COL24A1: variants seen among roughly 807,000 people sequenced by gnomAD.
COL24A1 encodes collagen type XXIV alpha 1 chain.
A neutral mutation model predicts 253.9 loss-of-function variants in COL24A1; 224 were observed. That is an observed-to-expected ratio of 0.88 (90% confidence interval 0.79 to 0.99). COL24A1 has a LOEUF of 0.99. Among genes scored for constraint, COL24A1 ranks in the 50% least tolerant of loss-of-function variants. The pLI is 0.00. For synonymous variants in COL24A1, 685 were observed against 673.7 expected, an observed-to-expected ratio of 1.02 and a Z score of -0.26; for missense variants, 2,131 against 2,068.5, an observed-to-expected ratio of 1.03 and a Z score of -0.59.
At chr1:85,763,213 T>A (rs1293837834) in intron 53 of COL24A1, among the ~76,000 whole-genome samples, 1 of 151,976 alleles carries the variant, frequency 6.6e-6, no homozygotes, top group African/African-American at 2.4e-5. Flanking sequence ...GCTCAGGAGT[T>A]TGAGACCAGC....
At chr1:86,029,363 A>C (rs1439283546) in intron 14 of COL24A1, among the ~76,000 whole-genome samples, 2 of 152,172 alleles carry the variant, frequency 1.3e-5, no homozygotes, top group Admixed American at 1.3e-4. Context: ...ATGACTTAAC[A>C]ATTGTGGCTA....
rs770051528 is a variant in COL24A1, at chr1:86,115,339, T to C, written c.1531A>G (p.Lys511Glu). The C allele has an allele frequency of 8.1e-6, 13 of 1,613,844 alleles. No individual in the cohort carries two copies. The highest frequency in any genetic ancestry group is 5.5e-5 in the South Asian group (5 of 91,036). ...CATCTACTTACCCGTGGACCTCTCT[T>C]CCCTGACGGACCTGGGATACCTGCT... ...GPAGIPGPSG[K>E]RGPRGIPGPH... The change falls in exon 4 of 60, where the codon AAG (lysine) becomes GAG (glutamate). Residue 511 changes from lysine to glutamate, a missense_variant. Physicochemically the swap from Lys to Glu is moderately conservative, Grantham distance 56 (BLOSUM62 1). Coordinates refer to ENST00000370571, the MANE Select transcript of COL24A1 (RefSeq NM_152890.7).
At chr1:85,842,165 A>G (rs774318754) in intron 40 of COL24A1, 44 bp from the exon 41 acceptor site, 2 of 1,564,492 alleles carry the variant, frequency 1.3e-6, no homozygotes, top group Non-Finnish European at 1.8e-6. Context: ...CTACCTAGAT[A>G]TTAGATATTG....
chr1:86,066,535 C>A (rs890678198), intron 7 of COL24A1, among the ~76,000 whole-genome samples: 2 of 151,832 alleles, frequency 1.3e-5, no homozygotes, highest in East Asian at 3.9e-4. Flanking sequence ...TGAGCCACTG[C>A]GCCCTGCTAA....
In COL24A1 at chr1:85,730,100, T is replaced by A. The variant is rs934300154; in HGVS notation, c.*446A>T. 2 of 153,114 alleles carry A rather than the reference T, an allele frequency of 1.3e-5. No homozygotes were observed. Among genetic ancestry groups the A allele is most frequent in the Admixed American group, 6.5e-5 (1 of 15,330 alleles). The allele number at this position is 153,114 out of a possible 1,614,324, so 9.5% of individuals were successfully genotyped here. A position where few individuals can be genotyped will look rare whatever the true frequency, so the allele number is the denominator to read the frequency against. On this transcript the variant is annotated 3_prime_UTR_variant, in exon 60 of 60. Transcript: ENST00000370571. ...AAGATGTATATGCCCATCGGGGACC[T>A]GAATACAGCTTAGTGTTTTGGAAAA...
chr1:85,741,233 T>C (rs1266667148), intron 57 of COL24A1, among the ~76,000 whole-genome samples: 1 of 152,216 alleles, frequency 6.6e-6, no homozygotes, highest in Non-Finnish European at 1.5e-5. Flanking sequence ...TCTGCTTTCG[T>C]TGTCTGCTGT....
intron 24 of COL24A1, among the ~76,000 whole-genome samples, chr1:85,913,571 G>A (rs576797792): frequency 2.0e-5 from 3 of 152,298 alleles, no homozygotes; most frequent in South Asian, 2.1e-4. Flanking sequence ...TGAACTAGAA[G>A]TTAAGACTGC....
At chr1:85,871,273 G>A (rs938320109) in intron 35 of COL24A1, among the ~76,000 whole-genome samples, 1 of 152,276 alleles carries the variant, frequency 6.6e-6, no homozygotes, top group South Asian at 2.1e-4. Flanking sequence ...GAGGTGCAAG[G>A]AGGAGCTGGT....
chr1:85,947,838 T>A (rs1458720633), intron 24 of COL24A1, among the ~76,000 whole-genome samples: 1 of 152,224 alleles, frequency 6.6e-6, no homozygotes, highest in African/African-American at 2.4e-5. Flanking sequence ...TGGAAGCCCC[T>A]CAACCCCCGA....
intron 32 of COL24A1, among the ~76,000 whole-genome samples, chr1:85,884,605 A>C (rs1374903561): frequency 1.3e-5 from 2 of 152,104 alleles, no homozygotes; most frequent in African/African-American, 2.4e-5. Flanking sequence ...CCCTTCTTCC[A>C]CATCAAAGGC....
chr1:86,156,494 A>C lies in COL24A1; in HGVS notation c.-98T>G, dbSNP rs1162050833. ...GTACTGTCCATGAAAAAGGGAAAAA[A>C]CAATCACATGAAAACCATGCTTCAA... On this transcript the variant is annotated 5_prime_UTR_variant, in exon 1 of 60. Coordinates refer to ENST00000370571, the MANE Select transcript of COL24A1 (RefSeq NM_152890.7). The C allele has an allele frequency of 1.8e-6, 2 of 1,120,480 alleles. No homozygotes were observed. Among genetic ancestry groups the C allele is most frequent in the Admixed American group, 5.3e-5 (2 of 37,912 alleles). The allele number at this position is 1,120,480 out of a possible 1,614,324, so 69.4% of individuals were successfully genotyped here. A position where few individuals can be genotyped will look rare whatever the true frequency, so the allele number is the denominator to read the frequency against.
At chr1:85,781,316 A>T (rs996920331) in intron 51 of COL24A1, 43 bp from the exon 52 acceptor site, 4 of 691,702 alleles carry the variant, frequency 5.8e-6, no homozygotes, top group East Asian at 9.0e-5. Context: ...TAGTATAATT[A>T]AAAAAAAAAA....
intron 31 of COL24A1, among the ~76,000 whole-genome samples, chr1:85,895,600 C>T (rs74378859): frequency 0.042 from 6,354 of 151,868 alleles, 174 homozygotes; most frequent in East Asian, 0.085. Context: ...AAACAATGAC[C>T]CAATGATTAA....
chr1:86,121,339 C>T (rs1262150489), intron 3 of COL24A1, among the ~76,000 whole-genome samples: 1 of 151,894 alleles, frequency 6.6e-6, no homozygotes, highest in Admixed American at 6.6e-5. Flanking sequence ...ATTTTTAAAG[C>T]ATTAATTCAC....
intron 5 of COL24A1, among the ~76,000 whole-genome samples, chr1:86,111,669 C>G (rs1255477335): frequency 2.6e-5 from 4 of 152,192 alleles, no homozygotes; most frequent in African/African-American, 9.7e-5. Flanking sequence ...TTCTTTCACT[C>G]TTTGCAATAA....
At chr1:85,821,727 T>G (rs530856536) in intron 45 of COL24A1, among the ~76,000 whole-genome samples, 3 of 152,302 alleles carry the variant, frequency 2.0e-5, no homozygotes, top group Admixed American at 2.0e-4. Flanking sequence ...AAACTATGGC[T>G]TCTTAGCACC....
chr1:86,022,652 A>C (rs1411758200), intron 16 of COL24A1, 61 bp from the exon 17 acceptor site: 1 of 1,508,958 alleles, frequency 6.6e-7, no homozygotes, highest in East Asian at 2.3e-5. Context: ...ATATTATAAG[A>C]AAGCAAATAT....
chr1:86,112,725 G>C, intron 4 of COL24A1, 105 bp from the exon 5 acceptor site: 1 of 1,038,194 alleles, frequency 9.6e-7, no homozygotes, highest in Admixed American at 2.0e-5. Context: ...AAGCACTTGA[G>C]TTTTTGCTTA....
chr1:85,742,228 G>T lies in COL24A1; in HGVS notation c.4672+2438C>A, dbSNP rs1473653814. The stretch of plus-strand genomic sequence containing the variant: ...GCTCACTGCAATCTCGGCCTCCTGG[G>T]TCAAGTGATTCTCCTGCCTCAGCCT... On this transcript the variant is annotated intron_variant, in intron 57 of 59. Coordinates refer to ENST00000370571, the MANE Select transcript of COL24A1 (RefSeq NM_152890.7). Among the ~76,000 whole-genome samples, 3 of 151,530 alleles carry T rather than the reference G, an allele frequency of 2.0e-5. No individual in the cohort carries two copies. In the South Asian group the frequency reaches 6.3e-4, roughly 32 times the overall value.
Sources: gnomAD v4.1 joint callset for allele counts (sites outside exome capture counted in the v4.1 genomes callset) on GRCh38, gnomAD v4.1.1 for gene constraint, MANE v1.5 for transcripts, NCBI Gene and HGNC (gene_info 2026-07-23, HGNC 2026-07-21) for gene names.